N4BP2: variants seen among roughly 807,000 people sequenced by gnomAD.
N4BP2 encodes the protein NEDD4-binding protein 2.
A neutral mutation model predicts 152.8 loss-of-function variants in N4BP2; 91 were observed. The ratio of observed to expected loss-of-function variants is 0.60; its 90% CI spans 0.50 to 0.71. N4BP2 has a LOEUF of 0.71. Ranked by LOEUF, N4BP2 falls within the 30% of genes least tolerant of loss-of-function variation. The probability of loss-of-function intolerance (pLI) is 0.00; values close to 1 mark genes in which losing one functional copy is unlikely to be tolerated. For missense variants in N4BP2, 1,923 were observed against 2,059.1 expected, an observed-to-expected ratio of 0.93 and a Z score of 1.28; for synonymous variants, 646 against 705.3, an observed-to-expected ratio of 0.92 and a Z score of 1.33.
intron 1 of N4BP2, among the ~76,000 whole-genome samples, chr4:40,063,286 C>T (rs1017633550): frequency 6.6e-6 from 1 of 152,148 alleles, no homozygotes. Flanking sequence ...ATAAGGATGG[C>T]CATGAAGAGC....
intron 7 of N4BP2, among the ~76,000 whole-genome samples, chr4:40,114,216 C>G (rs1717155860): frequency 6.6e-6 from 1 of 152,008 alleles, no homozygotes. Flanking sequence ...ATAGCCCTAA[C>G]TTCATTTTGG....
the N4BP2 span, among the ~76,000 whole-genome samples, chr4:40,181,141 GTC>G: frequency 5.3e-5 from 8 of 151,990 alleles, no homozygotes; most frequent in Non-Finnish European, 8.8e-5. Context: ...CAGAGCGAGA[GTC>G]TGTCTCAAAA....
At chr4:40,069,927 AAAAC>A (rs915657523) in intron 1 of N4BP2, among the ~76,000 whole-genome samples, 1 of 152,112 alleles carries the variant, frequency 6.6e-6, no homozygotes, top group Non-Finnish European at 1.5e-5. Flanking sequence ...AAAAAAACAA[AAAAC>A]AAACACAACC....
the N4BP2 span, among the ~76,000 whole-genome samples, chr4:40,188,671 G>A: frequency 6.7e-6 from 1 of 149,358 alleles, no homozygotes; most frequent in Non-Finnish European, 1.5e-5. Context: ...CCTGAGCCTG[G>A]GAGGCGCAGG....
chr4:40,184,585 C>T, the N4BP2 span, among the ~76,000 whole-genome samples: 2 of 152,048 alleles, frequency 1.3e-5, no homozygotes, highest in African/African-American at 2.4e-5. Context: ...CCAATTTTAC[C>T]ATTCAGAGAC....
the N4BP2 span, among the ~76,000 whole-genome samples, chr4:40,176,014 C>T: frequency 7.4e-5 from 11 of 148,870 alleles, no homozygotes; most frequent in South Asian, 1.7e-3. Flanking sequence ...GGCGTGAACC[C>T]GGGAGGCAGA....
At chr4:40,146,699 A>G (rs1720550487) in intron 16 of N4BP2, among the ~76,000 whole-genome samples, 1 of 152,170 alleles carries the variant, frequency 6.6e-6, no homozygotes, top group African/African-American at 2.4e-5. Context: ...TTACTCTCAT[A>G]GCAAATTTCA....
At chr4:40,119,910 A>G in intron 8 of N4BP2, 22 bp from the exon 9 acceptor site, 3 of 1,156,296 alleles carry the variant, frequency 2.6e-6, no homozygotes, top group Non-Finnish European at 3.7e-6. Context: ...TTCTCATGAT[A>G]CTCTTTAAAA....
At chr4:40,103,625 A>G (rs1462961500) in intron 4 of N4BP2, among the ~76,000 whole-genome samples, 1 of 152,210 alleles carries the variant, frequency 6.6e-6, no homozygotes, top group Admixed American at 6.5e-5. Flanking sequence ...TCAGGATTAT[A>G]GAGTGTTGTT....
Position 40,150,970 on chromosome 4 carries a change from G to A in N4BP2, c.5144-1810G>A, listed in dbSNP as rs1721102506. Among the ~76,000 whole-genome samples the A allele has an allele frequency of 3.9e-5, 6 of 152,174 alleles. No individual in the cohort carries two copies. The South Asian group carries it at 1.2e-3, about 31-fold the overall frequency. ...GGAGTCCTTATCTTTTATGAGGTATGTACTGAAATATTTGCAGTTGAAGTA... is the reference window on the plus strand; with the variant it reads ...GGAGTCCTTATCTTTTATGAGGTATATACTGAAATATTTGCAGTTGAAGTA... On this transcript the variant is annotated intron_variant, in intron 16 of 17. Transcript: ENST00000261435.
chr4:40,131,342 G>C (rs927182658), intron 12 of N4BP2, among the ~76,000 whole-genome samples: 1 of 152,144 alleles, frequency 6.6e-6, no homozygotes, highest in Admixed American at 6.6e-5. Context: ...CAATTGTACA[G>C]GATTTTGTGG....
At chr4:40,136,342 G>GAATC (rs1435878159) in intron 13 of N4BP2, among the ~76,000 whole-genome samples, 28 of 116,970 alleles carry the variant, frequency 2.4e-4, no homozygotes, top group South Asian at 5.6e-4. Flanking sequence ...ATTAGAAATT[G>GAATC]AATCTATCTA....
chr4:40,147,749 G>A (rs1270992410), intron 16 of N4BP2, among the ~76,000 whole-genome samples: 4 of 149,834 alleles, frequency 2.7e-5, no homozygotes, highest in South Asian at 4.3e-4. Context: ...GCTGCCGGGC[G>A]GAGGGGCTTC....
At position 40,157,837 on chromosome 4, in the gene N4BP2, A is replaced by G. The variant is rs927927830; in HGVS notation, c.*3600A>G. Reference sequence around the variant, plus strand: ...TTTTTAAAATGTAATTCAAGTTTACAGTATTACTTAATGCTTCTTTACAGA... The same window carrying G: ...TTTTTAAAATGTAATTCAAGTTTACGGTATTACTTAATGCTTCTTTACAGA... On this transcript the variant is annotated 3_prime_UTR_variant, in exon 18 of 18. Transcript: ENST00000261435. 2 of 152,216 alleles carry G rather than the reference A, an allele frequency of 1.3e-5. No homozygotes were observed. Among genetic ancestry groups the G allele is most frequent in the Admixed American group, 1.3e-4 (2 of 15,274 alleles). 9.4% of individuals were successfully genotyped at this position (152,216 alleles called of 1,614,324 possible).
At chr4:40,083,505 C>G in intron 2 of N4BP2, among the ~76,000 whole-genome samples, 1 of 152,122 alleles carries the variant, frequency 6.6e-6, no homozygotes, top group Admixed American at 6.5e-5. Context: ...CTAGCAGTAT[C>G]GGTGAAGTAC....
the N4BP2 span, among the ~76,000 whole-genome samples, chr4:40,188,225 G>A: frequency 2.1e-4 from 32 of 152,200 alleles, no homozygotes; most frequent in African/African-American, 6.3e-4. Flanking sequence ...TGTAGCCACA[G>A]CCTGAAGTCA....
chr4:40,150,570 C>CCAG (rs1372830392), intron 16 of N4BP2, among the ~76,000 whole-genome samples: 2 of 151,762 alleles, frequency 1.3e-5, no homozygotes, highest in Non-Finnish European at 2.9e-5. Flanking sequence ...ACTCTGGAAA[C>CCAG]TGAGGCAGAA....
chr4:40,079,560 A>G (rs1336676267), intron 2 of N4BP2, among the ~76,000 whole-genome samples: 1 of 151,776 alleles, frequency 6.6e-6, no homozygotes, highest in African/African-American at 2.4e-5. Flanking sequence ...ATGTTTGTTC[A>G]TTCTATTACT....
chr4:40,108,973 T>G (rs1365478135), intron 5 of N4BP2, among the ~76,000 whole-genome samples: 1 of 151,898 alleles, frequency 6.6e-6, no homozygotes. Flanking sequence ...TATGCCACCA[T>G]GCCCAGCTAG....
Sources: gnomAD v4.1 joint callset for allele counts (sites outside exome capture counted in the v4.1 genomes callset) on GRCh38, gnomAD v4.1.1 for gene constraint, MANE v1.5 for transcripts, NCBI Gene and HGNC (gene_info 2026-07-23, HGNC 2026-07-21) for gene names.